Variants in YDJC observed in about 807,000 individuals in gnomAD.
YDJC encodes YdjC chitooligosaccharide deacetylase homolog.
YDJC carries 23 observed loss-of-function variants against 18.9 expected under a neutral mutation model. The observed-to-expected ratio is 1.22, with a 90% CI of 0.87 to 1.72. YDJC has a LOEUF of 1.72. Ranked by LOEUF, YDJC falls within the 40% of genes most tolerant of loss-of-function variation. The pLI is 0.00. For synonymous variants in YDJC, 224 were observed against 217.6 expected (o/e 1.03, Z -0.26); for missense variants, 467 against 470.8 (o/e 0.99, Z 0.07).
chr22:21,629,522 C>T (rs775701988), intron 2 of YDJC, 80 bp downstream of exon 2: 28 of 1,597,514 alleles, frequency 1.8e-5, no homozygotes, highest in Non-Finnish European at 2.2e-5. Flanking sequence ...CCACCGCCAG[C>T]TCCTAACGGC....
chr22:21,629,120 C>A lies in YDJC; in HGVS notation c.492G>T (p.Glu164Asp), dbSNP rs1292899155. ...GCCAAGTGCAGCCACCCACACCGCGCTCCAGCGGCAGTCGCGTAAAGCGCA... is the reference window on the plus strand; with the variant it reads ...GCCAAGTGCAGCCACCCACACCGCGATCCAGCGGCAGTCGCGTAAAGCGCA... The part of the protein sequence containing the change: ...YGVRFTRLPL[E>D]RGVGGCTWLE... The change falls in exon 4 of 5, where the codon GAG becomes GAT. Residue 164 changes from glutamate to aspartate, a missense_variant. By Grantham distance (45) the Glu-to-Asp change is conservative (BLOSUM62 2). Transcript: ENST00000292778. 25 of 1,538,276 alleles carry A rather than the reference C, an allele frequency of 1.6e-5. No homozygotes were observed. Among genetic ancestry groups the A allele is most frequent in the Non-Finnish European group, 2.1e-5 (24 of 1,146,348 alleles).
intron 1 of YDJC, 31 bp from the exon 2 acceptor site, chr22:21,629,792 C>T (rs768897254): frequency 2.0e-6 from 3 of 1,469,248 alleles, no homozygotes; most frequent in Admixed American, 5.0e-5. Flanking sequence ...GGAGCACTAG[C>T]GGCCGCGGAG....
At chr22:21,628,811 G>A (rs1339302942) in intron 4 of YDJC, 24 bp from the exon 5 acceptor site, 2 of 1,458,084 alleles carry the variant, frequency 1.4e-6, no homozygotes, top group Non-Finnish European at 1.8e-6. Flanking sequence ...GACATCAGAG[G>A]TGGGACCAGG....
At position 21,629,527 on chromosome 22, in the gene YDJC, AAC is replaced by A. The variant is rs762323878; in HGVS notation, c.324+73_324+74del. The A allele has an allele frequency of 1.9e-6, 3 of 1,601,162 alleles. No homozygotes were observed. In the African/African-American group the frequency reaches 4.0e-5, roughly 21 times the overall value. On this transcript the variant is annotated intron_variant, in intron 2 of 4. Coordinates refer to ENST00000292778, the MANE Select transcript of YDJC (RefSeq NM_001017964.2). Reference sequence around the variant, plus strand: ...CGGAAGTCATCCACCGCCAGCTCCTAACGGCCTCACAGTACCCTCCGGGCGGA... The same window carrying A: ...CGGAAGTCATCCACCGCCAGCTCCTAGGCCTCACAGTACCCTCCGGGCGGA...
At position 21,629,104 on chromosome 22, in the gene YDJC, A is replaced by C; in HGVS notation, c.508T>G (p.Cys170Gly). The C allele has an allele frequency of 6.5e-7, 1 of 1,537,126 alleles. No homozygotes were observed. Among genetic ancestry groups the C allele is most frequent in the South Asian group, 1.2e-5 (1 of 83,930 alleles). ...CGCGCGGGGGCCTCCAGCCAAGTGC[A>C]GCCACCCACACCGCGCTCCAGCGGC... ...RLPLERGVGG[C>G]TWLEAPARAF... is the part of the protein sequence containing the mutation. Residue 170 changes from cysteine (C) to glycine (G), a missense_variant, in exon 4 of 5, where the codon TGC (cysteine) becomes GGC (glycine). Transcript: ENST00000292778.
chr22:21,629,353 C>A lies in YDJC; in HGVS notation c.379G>T (p.Ala127Ser). Residue 127 changes from alanine to serine, a missense_variant, in exon 3 of 5, where the codon GCC (alanine) becomes TCC (serine). Physicochemically the swap from Ala to Ser is moderately conservative, Grantham distance 99. Transcript: ENST00000292778. ...LSCFRELLGR[A>S]PTHADGHQHV... The stretch of plus-strand genomic sequence containing the variant: ...TGGTGCCCGTCCGCGTGCGTGGGGG[C>A]CCTGCCCAGCAGCTCCCGGAAGCAG... 6.5e-7 allele frequency: 1 copy of A among 1,550,232 alleles called. No homozygotes were observed. Among genetic ancestry groups the A allele is most frequent in the Non-Finnish European group, 8.7e-7 (1 of 1,146,908 alleles).
chr22:21,628,903 A>C, intron 4 of YDJC, 107 bp downstream of exon 4: 2 of 1,422,448 alleles, frequency 1.4e-6, no homozygotes, highest in African/African-American at 1.5e-5. Flanking sequence ...GCAGCGGTCG[A>C]CGCCAGACTC....
chr22:21,628,479 G>A lies in YDJC; in HGVS notation c.911C>T (p.Pro304Leu), dbSNP rs1930326849. ...GGGCTCACAGGGGACCTCCTCCCCT[G>A]GCCTCTTGGAGTCCAGGTCGTCGAG... ...CALDDLDSKR[P>L]GEEVPCEPTL... Residue 304 changes from proline (P) to leucine (L), a missense_variant, in exon 5 of 5, where the codon CCA becomes CTA. By Grantham distance (98) the Pro-to-Leu change is moderately conservative (BLOSUM62 -3). Coordinates refer to ENST00000292778, the MANE Select transcript of YDJC (RefSeq NM_001017964.2). 1 of 1,605,480 alleles carries A rather than the reference G, an allele frequency of 6.2e-7. No homozygotes were observed. The highest frequency in any genetic ancestry group is 8.5e-7 in the Non-Finnish European group (1 of 1,174,678).
At position 21,628,159 on chromosome 22, in the gene YDJC, A is replaced by G; in HGVS notation, c.*259T>C. ...CTGCCCCAGTGGTGAAGGTGTTTGC[A>G]TTGCAACATGGAGGGGCACCAAATG... On this transcript the variant is annotated 3_prime_UTR_variant, in exon 5 of 5. Coordinates refer to ENST00000292778, the MANE Select transcript of YDJC (RefSeq NM_001017964.2). 5.3e-6 allele frequency: 2 copies of G among 375,514 alleles called. No individual in the cohort carries two copies. The highest frequency in any genetic ancestry group is 9.4e-6 in the Non-Finnish European group (2 of 212,270). 23.3% of individuals were successfully genotyped at this position (375,514 alleles called of 1,614,324 possible). A position where few individuals can be genotyped will look rare whatever the true frequency, so the allele number is the denominator to read the frequency against.
In YDJC at chr22:21,628,792, G is replaced by T; in HGVS notation, c.603-5C>A. The stretch of plus-strand genomic sequence containing the variant: ...CCCACGAAGGCGTCTGTCCACCTGT[G>T]GGGGGCGGGACATCAGAGGTGGGAC... On this transcript the variant is annotated splice_region_variant and splice_polypyrimidine_tract_variant and intron_variant, in intron 4 of 4. Transcript: ENST00000292778. 2.0e-6 allele frequency: 3 copies of T among 1,471,874 alleles called. No homozygotes were observed. Among genetic ancestry groups the T allele is most frequent in the Non-Finnish European group, 1.8e-6 (2 of 1,109,300 alleles). The allele number at this position is 1,471,874 out of a possible 1,614,324, so 91.2% of individuals were successfully genotyped here. A position where few individuals can be genotyped will look rare whatever the true frequency, so the allele number is the denominator to read the frequency against.
Position 21,628,575 on chromosome 22 carries a change from T to A in YDJC, c.815A>T (p.His272Leu). 1 of 1,608,916 alleles carries A rather than the reference T, an allele frequency of 6.2e-7. No individual in the cohort carries two copies. Among genetic ancestry groups the A allele is most frequent in the Non-Finnish European group, 8.5e-7 (1 of 1,177,360 alleles). Residue 272 changes from histidine to leucine, a missense_variant, in exon 5 of 5, where the codon CAT (histidine) becomes CTT (leucine). Coordinates refer to ENST00000292778, the MANE Select transcript of YDJC (RefSeq NM_001017964.2). Reference protein sequence around the residue: ...DAFSCSWERLHELRVLTAPTL... With the variant: ...DAFSCSWERLLELRVLTAPTL... ...GGGCGCGGTGAGGACGCGCAGCTCA[T>A]GCAGCCGCTCCCAAGAGCAAGAGAA...
In YDJC at chr22:21,629,917, G is replaced by GT. The variant is rs752728828; in HGVS notation, c.97_98insA (p.Ala33AspfsTer227). On this transcript the variant is annotated frameshift_variant, in exon 1 of 5. Coordinates refer to ENST00000292778, the MANE Select transcript of YDJC (RefSeq NM_001017964.2). LOFTEE classifies it high-confidence loss of function. Reference sequence around the variant, plus strand: ...GACCAGCAGGGACACGCTGGTCACAGCCCCGGCCAGAAAGGCCTCCACGAT... The same window carrying GT: ...GACCAGCAGGGACACGCTGGTCACAGTCCCCGGCCAGAAAGGCCTCCACGAT... 38 of 1,601,266 alleles carry GT rather than the reference G, an allele frequency of 2.4e-5. No homozygotes were observed. The Admixed American group carries it at 4.9e-4, about 21-fold the overall frequency.
chr22:21,629,800 G>A, intron 1 of YDJC, 39 bp from the exon 2 acceptor site: 1 of 1,472,304 alleles, frequency 6.8e-7, no homozygotes, highest in East Asian at 2.6e-5. Flanking sequence ...AGCGGCCGCG[G>A]AGCCGCGCGC....
intron 2 of YDJC, 39 bp downstream of exon 2, chr22:21,629,563 G>T: frequency 6.2e-7 from 1 of 1,612,182 alleles, no homozygotes; most frequent in Non-Finnish European, 8.5e-7. Flanking sequence ...GAGCTCTGGG[G>T]GTCCTCGCGA....
chr22:21,628,914 G>C, intron 4 of YDJC, 96 bp downstream of exon 4: 2 of 1,425,310 alleles, frequency 1.4e-6, no homozygotes, highest in Non-Finnish European at 1.8e-6. Flanking sequence ...CGCCAGACTC[G>C]CTTCCGGGTT....
rs756507962 is a variant in YDJC, at chr22:21,629,910, G to C, written c.105C>G (p.Thr35=). The C allele has an allele frequency of 1.1e-5, 17 of 1,599,480 alleles. No individual in the cohort carries two copies. In the South Asian group the frequency reaches 1.9e-4, roughly 18 times the overall value. ...IVEAFLAGAV[T]SVSLLVNGAA... Reference sequence around the variant, plus strand: ...CACCGTTGACCAGCAGGGACACGCTGGTCACAGCCCCGGCCAGAAAGGCCT... The same window carrying C: ...CACCGTTGACCAGCAGGGACACGCTCGTCACAGCCCCGGCCAGAAAGGCCT... Residue 35 remains threonine (T), a synonymous_variant, in exon 1 of 5, where the codon ACC becomes ACG. Coordinates refer to ENST00000292778, the MANE Select transcript of YDJC (RefSeq NM_001017964.2).
chr22:21,629,780 C>A lies in YDJC; in HGVS notation c.165-19G>T. 1.4e-6 allele frequency: 2 copies of A among 1,473,690 alleles called. No individual in the cohort carries two copies. The highest frequency in any genetic ancestry group is 2.4e-5 in the Admixed American group (1 of 40,936). 91.3% of individuals were successfully genotyped at this position (1,473,690 alleles called of 1,614,324 possible). On this transcript the variant is annotated intron_variant, in intron 1 of 4. Transcript: ENST00000292778. ...GCTGTGCCTGAGGGCGGAGCGCGAG[C>A]TGGAGCACTAGCGGCCGCGGAGCCG...
Position 21,628,646 on chromosome 22 carries a change from G to A in YDJC, c.744C>T (p.Tyr248=). The A allele has an allele frequency of 6.3e-7, 1 of 1,584,218 alleles. No individual in the cohort carries two copies. The stretch of plus-strand genomic sequence containing the variant: ...AGCCGCCGGTGGGAGGCACACTGGG[G>A]TAGCCGGGGTGCGCCATCAGCTCGG... The part of the protein sequence containing the change: ...LTAELMAHPG[Y]PSVPPTGGCG... The change falls in exon 5 of 5, where the codon TAC becomes TAT. Residue 248 remains tyrosine, a synonymous_variant. Coordinates refer to ENST00000292778, the MANE Select transcript of YDJC (RefSeq NM_001017964.2).
In YDJC at chr22:21,628,789, T is replaced by C. The variant is rs1457475967; in HGVS notation, c.603-2A>G. 9 of 1,423,952 alleles carry C rather than the reference T, an allele frequency of 6.3e-6. No homozygotes were observed. The highest frequency in any genetic ancestry group is 8.3e-6 in the Non-Finnish European group (9 of 1,081,348). The allele number at this position is 1,423,952 out of a possible 1,614,324, so 88.2% of individuals were successfully genotyped here. On this transcript the variant is annotated splice_acceptor_variant, in intron 4 of 4. Coordinates refer to ENST00000292778, the MANE Select transcript of YDJC (RefSeq NM_001017964.2). LOFTEE classifies it high-confidence loss of function. Reference sequence around the variant, plus strand: ...AGGCCCACGAAGGCGTCTGTCCACCTGTGGGGGGCGGGACATCAGAGGTGG... The same window carrying C: ...AGGCCCACGAAGGCGTCTGTCCACCCGTGGGGGGCGGGACATCAGAGGTGG...
Sources: gnomAD v4.1 joint callset for allele counts on GRCh38, gnomAD v4.1.1 for gene constraint, MANE v1.5 for transcripts, NCBI Gene and HGNC (gene_info 2026-07-23, HGNC 2026-07-21) for gene names.